Variants in VAMP7 observed in about 807,000 individuals in gnomAD.
VAMP7 encodes vesicle associated membrane protein 7.
Under a neutral mutation model 29.6 loss-of-function variants are expected in VAMP7, and 14 were observed. The ratio of observed to expected loss-of-function variants is 0.47; its 90% confidence interval spans 0.31 to 0.74. VAMP7 has a LOEUF of 0.74. Among genes scored for constraint, VAMP7 ranks in the 30% least tolerant of loss-of-function variants. The pLI, the probability that VAMP7 is intolerant of heterozygous loss-of-function variation, is 0.05. For synonymous variants in VAMP7, 95 were observed against 88.1 expected (o/e 1.08, Z -0.44); for missense variants, 223 against 262.4 (o/e 0.85, Z 1.04).
At chrX:155,896,919 C>T (rs1258938993) in intron 3 of VAMP7, among the ~76,000 whole-genome samples, 2 of 151,890 alleles carry the variant, frequency 1.3e-5, no homozygotes, top group South Asian at 2.1e-4. Context: ...ATGTATAAAA[C>T]ACACACAATT....
chrX:155,942,067 C>G lies in VAMP7; in HGVS notation c.*116C>G, dbSNP rs761221796. On this transcript the variant is annotated 3_prime_UTR_variant, in exon 8 of 8. Transcript: ENST00000286448. ...GGTATCTGCCAGTCTCTTCAACCCT[C>G]TTCTCACTTTTTAAAATCTTGTTCC... 9.5e-6 allele frequency: 15 copies of G among 1,586,406 alleles called. No homozygotes were observed. The highest frequency in any genetic ancestry group is 2.7e-5 in the African/African-American group (2 of 74,136).
At chrX:155,903,564 T>G (rs1260940239) in intron 5 of VAMP7, among the ~76,000 whole-genome samples, 1 of 151,942 alleles carries the variant, frequency 6.6e-6, no homozygotes, top group Non-Finnish European at 1.5e-5. Context: ...CAGACACTTC[T>G]CAAAAGAAGA....
In VAMP7 at chrX:155,887,399, A is replaced by C. The variant is rs2065877460; in HGVS notation, c.-9-2059A>C. On this transcript the variant is annotated intron_variant, in intron 1 of 7. Transcript: ENST00000286448. ...GAGTCAGCAAGAAGACAAAAAGAGC[A>C]GCCAGAGATGTAGGAGCATTTCAAG... is the stretch of plus-strand genomic sequence containing the variant. Among the ~76,000 whole-genome samples, 3 of 152,180 alleles carry C rather than the reference A, an allele frequency of 2.0e-5. No homozygotes were observed. The South Asian group carries it at 6.2e-4, about 32-fold the overall frequency.
In VAMP7 at chrX:155,889,518, C is replaced by T; in HGVS notation, c.52C>T (p.His18Tyr). 1 of 1,613,888 alleles carries T rather than the reference C, an allele frequency of 6.2e-7. No homozygotes were observed. The highest frequency in any genetic ancestry group is 1.7e-5 in the Admixed American group (1 of 60,020). Residue 18 changes from histidine to tyrosine, a missense_variant, in exon 2 of 8, where the codon CAT (histidine) becomes TAT (tyrosine). His to Tyr is a moderately conservative substitution (Grantham distance 83). Coordinates refer to ENST00000286448, the MANE Select transcript of VAMP7 (RefSeq NM_005638.6). Reference sequence around the variant, plus strand: ...CAGGGGGACCACTATCCTTGCCAAACATGCTTGGTGTGGAGGAAACTTCCT... The same window carrying T: ...CAGGGGGACCACTATCCTTGCCAAATATGCTTGGTGTGGAGGAAACTTCCT... The part of the protein sequence containing the change: ...VARGTTILAK[H>Y]AWCGGNFLEV...
At chrX:155,932,192 C>T (rs1453246182) in intron 6 of VAMP7, among the ~76,000 whole-genome samples, 4 of 152,144 alleles carry the variant, frequency 2.6e-5, no homozygotes, top group Non-Finnish European at 5.9e-5. Flanking sequence ...GCAATGCAGG[C>T]TCTTTTTTGG....
intron 5 of VAMP7, among the ~76,000 whole-genome samples, chrX:155,906,624 T>C (rs1456535116): frequency 6.6e-6 from 1 of 152,232 alleles, no homozygotes; most frequent in Non-Finnish European, 1.5e-5. Flanking sequence ...TGTTCAGTAC[T>C]AATGTATAGA....
intron 6 of VAMP7, among the ~76,000 whole-genome samples, chrX:155,927,417 A>C (rs1332249182): frequency 2.0e-5 from 3 of 150,950 alleles, no homozygotes; most frequent in East Asian, 3.9e-4. Flanking sequence ...GGAAAAAAAA[A>C]AAACAAACCA....
chrX:155,920,649 A>G lies in VAMP7; in HGVS notation c.501+769A>G, dbSNP rs564327083. Among the ~76,000 whole-genome samples, 12 of 152,300 alleles carry G rather than the reference A, an allele frequency of 7.9e-5. 1 individual carries two copies. The highest frequency in any genetic ancestry group is 2.6e-4 in the African/African-American group (11 of 41,558). On this transcript the variant is annotated intron_variant, in intron 6 of 7. Coordinates refer to ENST00000286448, the MANE Select transcript of VAMP7 (RefSeq NM_005638.6). ...CCTGGATTTGAATCCCACCTCTGCTACTTACTAGTTGTGTGACCTTAGGCA... is the reference window on the plus strand; with the variant it reads ...CCTGGATTTGAATCCCACCTCTGCTGCTTACTAGTTGTGTGACCTTAGGCA...
At chrX:155,935,544 G>T (rs1342148098) in intron 6 of VAMP7, among the ~76,000 whole-genome samples, 3 of 152,070 alleles carry the variant, frequency 2.0e-5, no homozygotes, top group South Asian at 4.2e-4. Flanking sequence ...ATGGTTTTCA[G>T]CTCCATCAGG....
rs144796568 is a variant in VAMP7, at chrX:155,889,353, G to A, written c.-9-105G>A. On this transcript the variant is annotated intron_variant, in intron 1 of 7. Transcript: ENST00000286448. The stretch of plus-strand genomic sequence containing the variant: ...GTTAAGTTTCATGTTATAGTGCCTC[G>A]TTAGATACTATCTCCAGGTAGTATG... The A allele has an allele frequency of 3.1e-3, 4,518 of 1,437,680 alleles. 8 individuals carry two copies. Among genetic ancestry groups the A allele is most frequent in the South Asian group, 4.2e-3 (294 of 70,672 alleles). The allele number at this position is 1,437,680 out of a possible 1,614,324, so 89.1% of individuals were successfully genotyped here.
intron 1 of VAMP7, among the ~76,000 whole-genome samples, chrX:155,884,315 C>T (rs1236028316): frequency 1.3e-5 from 2 of 151,398 alleles, no homozygotes; most frequent in African/African-American, 2.4e-5. Flanking sequence ...TTAGTAGAAA[C>T]GGGGTTTCTC....
chrX:155,889,383 T>C (rs998403721), intron 1 of VAMP7, 75 bp from the exon 2 acceptor site: 4 of 1,549,706 alleles, frequency 2.6e-6, no homozygotes, highest in African/African-American at 2.7e-5. Context: ...AGTATGTTGA[T>C]AAATGATAGT....
intron 6 of VAMP7, among the ~76,000 whole-genome samples, chrX:155,935,528 C>T (rs989257970): frequency 2.6e-5 from 4 of 152,086 alleles, no homozygotes; most frequent in Admixed American, 1.3e-4. Context: ...ACTTAGTTCT[C>T]GTGCCATGGT....
At chrX:155,906,002 A>C (rs1204665771) in intron 5 of VAMP7, among the ~76,000 whole-genome samples, 1 of 151,514 alleles carries the variant, frequency 6.6e-6, no homozygotes, top group African/African-American at 2.4e-5. Context: ...ACAATATTAA[A>C]CTTCTGATCC....
intron 6 of VAMP7, among the ~76,000 whole-genome samples, chrX:155,938,217 T>A (rs1210290345): frequency 6.6e-6 from 1 of 152,200 alleles, no homozygotes; most frequent in Non-Finnish European, 1.5e-5. Flanking sequence ...CTCCTCACTT[T>A]AACTGCTGTT....
At chrX:155,888,629 ATAATCT>A (rs1413932468) in intron 1 of VAMP7, among the ~76,000 whole-genome samples, 1 of 152,200 alleles carries the variant, frequency 6.6e-6, no homozygotes, top group East Asian at 1.9e-4. Flanking sequence ...CATAAGGAAA[ATAATCT>A]TAAACTCATG....
At chrX:155,881,956 C>T (rs947344539) in intron 1 of VAMP7, among the ~76,000 whole-genome samples, 1 of 152,180 alleles carries the variant, frequency 6.6e-6, no homozygotes, top group Non-Finnish European at 1.5e-5. Context: ...GTTTCCTCAG[C>T]TTCAGACCTG....
intron 6 of VAMP7, among the ~76,000 whole-genome samples, chrX:155,936,736 C>T (rs1480703551): frequency 1.3e-5 from 2 of 152,188 alleles, no homozygotes; most frequent in African/African-American, 4.8e-5. Flanking sequence ...AAGCCGGTAT[C>T]TCAGTTGGAA....
chrX:155,917,859 T>G (rs1461636393), intron 5 of VAMP7, among the ~76,000 whole-genome samples: 1 of 152,136 alleles, frequency 6.6e-6, no homozygotes, highest in African/African-American at 2.4e-5. Context: ...GCTGCTCTCT[T>G]CCGAACTGGC....
Sources: allele counts gnomAD v4.1 joint callset (sites outside exome capture counted in the v4.1 genomes callset), GRCh38; gene constraint gnomAD v4.1.1; transcripts MANE v1.5; gene names NCBI Gene and HGNC (gene_info 2026-07-23, HGNC 2026-07-21).